The following PRKAG3 variants were observed in gnomAD, a reference collection of about 807,000 sequenced individuals.
PRKAG3 encodes the protein 5'-AMP-activated protein kinase subunit gamma-3.
A neutral mutation model predicts 56.5 loss-of-function variants in PRKAG3; 39 were observed. The observed-to-expected ratio is 0.69, with a 90% CI of 0.53 to 0.90. The LOEUF (loss-of-function observed/expected upper bound fraction) is 0.90. PRKAG3 is among the 40% of genes least tolerant of loss of function. The pLI is 0.00. For missense variants in PRKAG3, 628 were observed against 627.5 expected, an observed-to-expected ratio of 1.00 and a Z score of -0.01; for synonymous variants, 243 against 250.1, an observed-to-expected ratio of 0.97 and a Z score of 0.27.
In PRKAG3 at chr2:218,830,397, G is replaced by A; in HGVS notation, c.230-16C>T. On this transcript the variant is annotated splice_polypyrimidine_tract_variant and intron_variant, in intron 3 of 12. Transcript: ENST00000529249. ...GACCGGGGACCTGTTTGGGGGAGGA[G>A]GGGAAGAGGACAGTAACTCCATCTT... 1 of 1,603,220 alleles carries A rather than the reference G, an allele frequency of 6.2e-7. No individual in the cohort carries two copies.
In PRKAG3 at chr2:218,827,399, C is replaced by T. The variant is rs73082945; in HGVS notation, c.876-26G>A. On this transcript the variant is annotated intron_variant, in intron 8 of 12. Transcript: ENST00000529249. The surrounding 1 kb of genome is among the most constrained non-coding windows in gnomAD (Gnocchi z 5.3). The stretch of plus-strand genomic sequence containing the variant: ...CTGCAGAGATGGGAGCAGTGAGCCT[C>T]GGGGCAGCCTAGGGAGAGACAACCT... The T allele has an allele frequency of 1.8e-3, 2,835 of 1,613,920 alleles. 42 individuals are homozygous for T. The African/African-American group carries it at 0.034, about 19-fold the overall frequency.
chr2:218,830,203 G>A, exon 4 of PRKAG3: 1 of 1,614,104 alleles, frequency 6.2e-7, no homozygotes, highest in Non-Finnish European at 8.5e-7. Context: ...GGAACTCCGT[G>A]GCCAGCTCCA....
intron 12 of PRKAG3, 47 bp from the exon 13 acceptor site, chr2:218,823,925 A>G: frequency 6.4e-7 from 1 of 1,560,896 alleles, no homozygotes; most frequent in Non-Finnish European, 8.8e-7. Flanking sequence ...ATGGGGCTAC[A>G]GCAGCTACTG....
rs2105989173 is a variant in PRKAG3 at position 218,829,848 on chromosome 2, TAAG to T, written c.633+127_633+129del. On this transcript the variant is annotated intron_variant, in intron 4 of 12. Transcript: ENST00000529249. ...CTCCCCCAACTGGCCTCCATAGTGC[TAAG>T]AAGGAGTCCTTTCAGGGGGCTTGCA... The T allele has an allele frequency of 2.6e-6, 3 of 1,143,330 alleles. No homozygotes were observed. The African/African-American group carries it at 4.6e-5, about 17-fold the overall frequency. 70.8% of individuals were successfully genotyped at this position (1,143,330 alleles called of 1,614,324 possible).
intron 1 of PRKAG3, 139 bp downstream of exon 1, chr2:218,831,599 G>T: frequency 2.5e-6 from 3 of 1,186,528 alleles, no homozygotes; most frequent in Non-Finnish European, 1.2e-6. Context: ...GCCCAAACAT[G>T]CACATGCCCA....
chr2:218,823,644 A>C lies in PRKAG3; in HGVS notation c.*118T>G. On this transcript the variant is annotated 3_prime_UTR_variant, in exon 13 of 13. Coordinates refer to ENST00000529249, the Ensembl canonical transcript of PRKAG3. ...GGTGTCATGGCCCAGGGCAGAGCCTACCTGAATCATAGCTGAACCAGCAAA... is the reference window on the plus strand; with the variant it reads ...GGTGTCATGGCCCAGGGCAGAGCCTCCCTGAATCATAGCTGAACCAGCAAA... 1.3e-6 allele frequency: 2 copies of C among 1,591,144 alleles called. No homozygotes were observed. The highest frequency in any genetic ancestry group is 3.3e-5 in the Admixed American group (2 of 59,746).
intron 4 of PRKAG3, 79 bp downstream of exon 4, chr2:218,829,899 A>T (rs910085653): frequency 6.4e-7 from 1 of 1,562,122 alleles, no homozygotes; most frequent in South Asian, 1.1e-5. Context: ...TCAGCAGGGC[A>T]TCCTGCAGGG....
chr2:218,831,032 T>G, intron 2 of PRKAG3, 131 bp from the exon 3 acceptor site: 1 of 1,170,878 alleles, frequency 8.5e-7, no homozygotes, highest in Non-Finnish European at 1.3e-6. Flanking sequence ...CATTTAAAAC[T>G]TACAGCAGCC....
At chr2:218,829,923 T>C (rs1575213044) in intron 4 of PRKAG3, 55 bp downstream of exon 4, 1 of 1,551,754 alleles carries the variant, frequency 6.4e-7, no homozygotes, top group Non-Finnish European at 8.7e-7. Context: ...GAGTGGCGGC[T>C]GCAGCACCGT....
At position 218,826,831 on chromosome 2, in the gene PRKAG3, A is replaced by G. The variant is rs113680581; in HGVS notation, c.1168+97T>C. On this transcript the variant is annotated intron_variant, in intron 10 of 12. Transcript: ENST00000529249. ...CCCCAGTCCATCCTGTACCCCCCAC[A>G]GGGATGGCATGAGAAACCCTGCCCT... is the stretch of plus-strand genomic sequence containing the variant. The G allele has an allele frequency of 4.0e-6, 6 of 1,499,110 alleles. No homozygotes were observed. The African/African-American group carries it at 8.3e-5, about 21-fold the overall frequency. The allele number at this position is 1,499,110 out of a possible 1,614,324, so 92.9% of individuals were successfully genotyped here.
chr2:218,828,733 C>G, intron 4 of PRKAG3, 133 bp from the exon 5 acceptor site: 1 of 652,062 alleles, frequency 1.5e-6, no homozygotes, highest in Non-Finnish European at 2.6e-6. Context: ...ATGGGGCCTT[C>G]TCCTGGACCC....
rs1393098531 is a variant in PRKAG3, at chr2:218,830,246, G to GT, written c.364dup (p.Thr122AsnfsTer11). The stretch of plus-strand genomic sequence containing the variant: ...TGTGCTGGAGCCTGCAGCTGAGGCT[G>GT]TACAGTCAGAGGGGAGGCAGTCCCA... On this transcript the variant is annotated frameshift_variant, in exon 4 of 13. Transcript: ENST00000529249. LOFTEE classifies it high-confidence loss of function. 1.2e-6 allele frequency: 2 copies of GT among 1,614,060 alleles called. No homozygotes were observed. Among genetic ancestry groups the GT allele is most frequent in the Non-Finnish European group, 1.7e-6 (2 of 1,180,026 alleles).
Position 218,823,582 on chromosome 2 carries a change from A to G in PRKAG3, c.*180T>C, listed in dbSNP as rs1005651764. The G allele has an allele frequency of 6.2e-5, 85 of 1,375,504 alleles. No homozygotes were observed. The African/African-American group carries it at 1.1e-3, about 18-fold the overall frequency. The allele number at this position is 1,375,504 out of a possible 1,614,324, so 85.2% of individuals were successfully genotyped here. A position where few individuals can be genotyped will look rare whatever the true frequency, so the allele number is the denominator to read the frequency against. ...GCCACTCCCATCCTCAGGGTGTCCCAATCTGAGATCCAGGAAATCAGGAAG... is the reference window on the plus strand; with the variant it reads ...GCCACTCCCATCCTCAGGGTGTCCCGATCTGAGATCCAGGAAATCAGGAAG... On this transcript the variant is annotated 3_prime_UTR_variant, in exon 13 of 13. Transcript: ENST00000529249.
chr2:218,830,460 A>C (rs1290558285), intron 3 of PRKAG3, 79 bp from the exon 4 acceptor site: 118 of 1,512,538 alleles, frequency 7.8e-5, no homozygotes, highest in Middle Eastern at 1.8e-4. Flanking sequence ...CATTCATCTC[A>C]CAGCAGCAGT....
chr2:218,825,802 G>T (rs1277723361), intron 10 of PRKAG3, among the ~76,000 whole-genome samples: 1 of 150,130 alleles, frequency 6.7e-6, no homozygotes, highest in Non-Finnish European at 1.5e-5. Flanking sequence ...CTGTTGCCAG[G>T]CTGGAGTACA....
chr2:218,827,535 T>A lies in PRKAG3; in HGVS notation c.875+40A>T. 2 of 1,606,918 alleles carry A rather than the reference T, an allele frequency of 1.2e-6. No individual in the cohort carries two copies. Among genetic ancestry groups the A allele is most frequent in the Non-Finnish European group, 1.7e-6 (2 of 1,173,630 alleles). The stretch of plus-strand genomic sequence containing the variant: ...TGAGTGGGACTGGGGAAGGGGACTG[T>A]GGGAGGAGGAGGCTCAGGTGAATGA... On this transcript the variant is annotated intron_variant, in intron 8 of 12. Coordinates refer to ENST00000529249, the Ensembl canonical transcript of PRKAG3. The surrounding 1 kb of genome is among the most constrained non-coding windows in gnomAD (Gnocchi z 5.3).
chr2:218,831,295 G>A, intron 2 of PRKAG3, 41 bp downstream of exon 2: 1 of 1,491,938 alleles, frequency 6.7e-7, no homozygotes, highest in Non-Finnish European at 9.1e-7. Context: ...CAAGGAGGTG[G>A]GGGAAGAGGT....
Position 218,829,959 on chromosome 2 carries a change from G to A in PRKAG3, c.633+19C>T. ...GTGGATGGAGAGTGAGTACAGGTTG[G>A]GCAGAGCCGTGGCCTCACCTCCAGC... On this transcript the variant is annotated intron_variant, in intron 4 of 12. Transcript: ENST00000529249. 1 of 1,609,716 alleles carries A rather than the reference G, an allele frequency of 6.2e-7. No homozygotes were observed. The highest frequency in any genetic ancestry group is 8.5e-7 in the Non-Finnish European group (1 of 1,179,864).
In PRKAG3 at chr2:218,830,046, G is replaced by A; in HGVS notation, c.565C>T (p.Gln189Ter). The A allele has an allele frequency of 6.2e-7, 1 of 1,614,016 alleles. No individual in the cohort carries two copies. The highest frequency in any genetic ancestry group is 8.5e-7 in the Non-Finnish European group (1 of 1,179,988). The change falls in exon 4 of 13, where the codon CAG becomes TAG. Residue 189 changes from glutamine to a stop codon, truncating the protein, a stop_gained. Coordinates refer to ENST00000529249, the Ensembl canonical transcript of PRKAG3. LOFTEE classifies it high-confidence loss of function. ...ATGGCATCGTAGCAGGTGTGCTCCT[G>A]CATGAAGCGCATGTAGATCTGGGCG...
Sources: allele counts gnomAD v4.1 joint callset (sites outside exome capture counted in the v4.1 genomes callset), GRCh38; gene constraint gnomAD v4.1.1; non-coding constraint Gnocchi (gnomAD v3.1); transcripts MANE v1.5; gene names NCBI Gene and HGNC (gene_info 2026-07-23, HGNC 2026-07-21).